Variants in CNTNAP2 observed in about 807,000 individuals in gnomAD.
The protein encoded by CNTNAP2 is contactin-associated protein-like 2.
In CNTNAP2, 98 loss-of-function variants were observed where a neutral mutation model predicts 155.2. The ratio of observed to expected loss-of-function variants is 0.63; its 90% CI spans 0.54 to 0.75. CNTNAP2 has a LOEUF of 0.75. Ranked by LOEUF, CNTNAP2 falls within the 30% of genes least tolerant of loss-of-function variation. CNTNAP2 has a pLI of 0.00. For missense variants in CNTNAP2, 1,727 were observed against 1,688.1 expected, an observed-to-expected ratio of 1.02 and a Z score of -0.40; for synonymous variants, 651 against 631.2, an observed-to-expected ratio of 1.03 and a Z score of -0.47.
At chr7:146,739,217 G>A (rs1801669389) in intron 1 of CNTNAP2, among the ~76,000 whole-genome samples, 1 of 151,766 alleles carries the variant, frequency 6.6e-6, no homozygotes. Flanking sequence ...TTCTTGAGGT[G>A]CAATGTTAGG....
chr7:146,434,050 A>G (rs141633959), intron 1 of CNTNAP2, among the ~76,000 whole-genome samples: 127 of 152,254 alleles, frequency 8.3e-4, no homozygotes, highest in African/African-American at 2.9e-3. Flanking sequence ...CTGCATTTTT[A>G]CAGAGTATTT....
At chr7:147,424,732 CTT>C (rs1182924728) in intron 10 of CNTNAP2, among the ~76,000 whole-genome samples, 1 of 152,174 alleles carries the variant, frequency 6.6e-6, no homozygotes, top group African/African-American at 2.4e-5. Context: ...ATCTCAAACT[CTT>C]TGTTTCTAAT....
intron 1 of CNTNAP2, among the ~76,000 whole-genome samples, chr7:146,123,472 C>T (rs180846928): frequency 3.9e-4 from 59 of 152,184 alleles, no homozygotes; most frequent in African/African-American, 1.3e-3. Context: ...GACTGGCATA[C>T]GCACTGTCAA....
At chr7:146,917,844 C>T (rs1172134331) in intron 3 of CNTNAP2, among the ~76,000 whole-genome samples, 1 of 152,192 alleles carries the variant, frequency 6.6e-6, no homozygotes, top group East Asian at 1.9e-4. Flanking sequence ...TGTGAGGCCT[C>T]TCCAGCCATG....
chr7:146,224,932 G>A (rs952043073), intron 1 of CNTNAP2, among the ~76,000 whole-genome samples: 9 of 152,102 alleles, frequency 5.9e-5, no homozygotes, highest in African/African-American at 1.9e-4. Context: ...GCCCTTTGCA[G>A]TGAAAGCACT....
At chr7:146,444,518 A>G (rs1439345450) in intron 1 of CNTNAP2, among the ~76,000 whole-genome samples, 1 of 152,142 alleles carries the variant, frequency 6.6e-6, no homozygotes, top group Non-Finnish European at 1.5e-5. Context: ...GACCAAAGTA[A>G]TGGATGAGCC....
intron 13 of CNTNAP2, among the ~76,000 whole-genome samples, chr7:147,681,118 A>G (rs1327237723): frequency 6.6e-6 from 1 of 152,004 alleles, no homozygotes; most frequent in East Asian, 1.9e-4. Flanking sequence ...TTTCATGTGT[A>G]TGAGATCATA....
At chr7:147,551,771 T>C (rs1799857694) in intron 11 of CNTNAP2, among the ~76,000 whole-genome samples, 5 of 152,208 alleles carry the variant, frequency 3.3e-5, no homozygotes, top group Admixed American at 3.3e-4. Context: ...TATTCATCGA[T>C]GGGTGTTCTC....
At chr7:147,358,495 A>ATT (rs1796097975) in intron 9 of CNTNAP2, among the ~76,000 whole-genome samples, 1 of 152,154 alleles carries the variant, frequency 6.6e-6, no homozygotes, top group African/African-American at 2.4e-5. Context: ...GCTGAGTAAT[A>ATT]GGTTGCAGTC....
At chr7:147,245,015 T>G (rs1804024670) in intron 8 of CNTNAP2, among the ~76,000 whole-genome samples, 1 of 152,080 alleles carries the variant, frequency 6.6e-6, no homozygotes, top group Admixed American at 6.6e-5. Context: ...AAAACGAAAT[T>G]TCTAGAGGGC....
At chr7:146,172,210 A>G (rs751697521) in intron 1 of CNTNAP2, among the ~76,000 whole-genome samples, 10 of 151,940 alleles carry the variant, frequency 6.6e-5, no homozygotes, top group Non-Finnish European at 1.3e-4. Context: ...TTAACCAAAT[A>G]GCTCAAGGCT....
intron 1 of CNTNAP2, among the ~76,000 whole-genome samples, chr7:146,152,422 A>T (rs1369851862): frequency 6.6e-6 from 1 of 152,064 alleles, no homozygotes; most frequent in Admixed American, 6.6e-5. Flanking sequence ...TTTCAGTTAG[A>T]TGGGATGAAT....
intron 3 of CNTNAP2, among the ~76,000 whole-genome samples, chr7:146,919,770 C>T (rs1457952860): frequency 6.6e-6 from 1 of 152,180 alleles, no homozygotes; most frequent in Admixed American, 6.5e-5. Flanking sequence ...CATCCTTTGT[C>T]TTCAGAGTTC....
chr7:147,770,110 A>C (rs1414830598), intron 13 of CNTNAP2, among the ~76,000 whole-genome samples: 2 of 152,216 alleles, frequency 1.3e-5, no homozygotes, highest in Non-Finnish European at 1.5e-5. Context: ...CATTGAGGTC[A>C]AGGTGTAATT....
At chr7:146,813,330 G>A (rs922912238) in intron 2 of CNTNAP2, among the ~76,000 whole-genome samples, 1 of 152,240 alleles carries the variant, frequency 6.6e-6, no homozygotes, top group Non-Finnish European at 1.5e-5. Context: ...TCACAGGGGC[G>A]GAGCTCCTGA....
intron 13 of CNTNAP2, among the ~76,000 whole-genome samples, chr7:147,764,050 C>G (rs1412609115): frequency 6.6e-6 from 1 of 152,182 alleles, no homozygotes; most frequent in East Asian, 1.9e-4. Flanking sequence ...TGTGGCCGTA[C>G]CTTATACTTT....
At chr7:146,337,027 TA>T (rs1801288595) in intron 1 of CNTNAP2, among the ~76,000 whole-genome samples, 1 of 152,318 alleles carries the variant, frequency 6.6e-6, no homozygotes, top group African/African-American at 2.4e-5. Context: ...TTAACTGATA[TA>T]AACTATATAC....
At chr7:147,214,718 C>G (rs932628158) in intron 8 of CNTNAP2, among the ~76,000 whole-genome samples, 14 of 152,052 alleles carry the variant, frequency 9.2e-5, no homozygotes, top group African/African-American at 3.1e-4. Context: ...AAGGAAGGTA[C>G]AGAGATATCC....
intron 7 of CNTNAP2, among the ~76,000 whole-genome samples, chr7:147,131,068 GTGTATATATA>G (rs1374721573): frequency 6.8e-6 from 1 of 148,018 alleles, no homozygotes; most frequent in African/African-American, 2.5e-5. Context: ...ATATATATGT[GTGTATATATA>G]TGTATATATG....
Sources: allele counts gnomAD v4.1 joint callset (sites outside exome capture counted in the v4.1 genomes callset), GRCh38; gene constraint gnomAD v4.1.1; transcripts MANE v1.5; gene names NCBI Gene and HGNC (gene_info 2026-07-23, HGNC 2026-07-21).